Variants in ADAMTS17 observed in about 807,000 individuals in gnomAD.
The protein encoded by ADAMTS17 is ADAM metallopeptidase with thrombospondin type 1 motif 17.
In ADAMTS17, 113 loss-of-function variants were observed where a neutral mutation model predicts 141.5. That is an observed-to-expected ratio of 0.80 (90% CI 0.69 to 0.93). The LOEUF (loss-of-function observed/expected upper bound fraction) is 0.93. Ranked by LOEUF, ADAMTS17 falls within the 40% of genes least tolerant of loss-of-function variation. The probability of loss-of-function intolerance (pLI) is 0.00; values close to 1 mark genes in which losing one functional copy is unlikely to be tolerated. For synonymous variants in ADAMTS17, 768 were observed against 630.6 expected (o/e 1.22, Z -3.27); for missense variants, 1,659 against 1,517.9 (o/e 1.09, Z -1.54).
At chr15:100,047,223 C>T (rs552625963) in intron 18 of ADAMTS17, among the ~76,000 whole-genome samples, 3 of 142,798 alleles carry the variant, frequency 2.1e-5, no homozygotes, top group African/African-American at 8.3e-5. Flanking sequence ...AACCCTATCT[C>T]CTGATAAGAC....
chr15:100,292,406 C>T (rs1479376402), intron 3 of ADAMTS17, among the ~76,000 whole-genome samples: 1 of 149,992 alleles, frequency 6.7e-6, no homozygotes, highest in East Asian at 2.0e-4. Context: ...ACGAGAGACA[C>T]TCACCCCGTT....
At chr15:100,109,261 C>CAGCTCCTCTAAACACGCGGCAA in intron 13 of ADAMTS17, 145 bp from the exon 14 acceptor site, 1 of 972,028 alleles carries the variant, frequency 1.0e-6, no homozygotes, top group Non-Finnish European at 1.4e-6. Context: ...GTACGCGCTC[C>CAGCTCCTCTAAACACGCGGCAA]AGGAAGCGGA....
intron 10 of ADAMTS17, 39 bp downstream of exon 10, chr15:100,152,573 C>G (rs759753812): frequency 1.9e-6 from 3 of 1,610,192 alleles, no homozygotes. Flanking sequence ...GGGCTGGATC[C>G]ATGCTCTGTC....
chr15:100,066,530 T>C (rs1243290981), intron 15 of ADAMTS17, among the ~76,000 whole-genome samples: 1 of 152,200 alleles, frequency 6.6e-6, no homozygotes, highest in African/African-American at 2.4e-5. Context: ...GGTCCTTTAG[T>C]GTAGGTCTCT....
At chr15:100,112,158 G>A (rs930063712) in intron 13 of ADAMTS17, among the ~76,000 whole-genome samples, 4 of 152,204 alleles carry the variant, frequency 2.6e-5, no homozygotes, top group Admixed American at 6.5e-5. Flanking sequence ...GGACTCTTTA[G>A]GGTGAGCAGA....
chr15:100,152,619 T>C lies in ADAMTS17; in HGVS notation c.1466A>G (p.Asn489Ser). The C allele has an allele frequency of 4.3e-6, 7 of 1,613,896 alleles. No individual in the cohort carries two copies. Among genetic ancestry groups the C allele is most frequent in the Non-Finnish European group, 5.9e-6 (7 of 1,180,016 alleles). ...CCTCCCACGGCTGCTTACCTCCATG[T>C]TTCTGCAGAAGGTGGCATTCATGCC... ...LFGMNATFCR[N>S]MEHLMCAGLW... The change falls in exon 10 of 22, where the codon AAC becomes AGC. Residue 489 changes from asparagine (N) to serine (S), a missense_variant. Transcript: ENST00000268070.
chr15:100,321,942 A>G (rs904664800), intron 3 of ADAMTS17, among the ~76,000 whole-genome samples: 1 of 152,268 alleles, frequency 6.6e-6, no homozygotes, highest in Non-Finnish European at 1.5e-5. Context: ...TTATTAAAAC[A>G]AAAACATCTA....
intron 2 of ADAMTS17, among the ~76,000 whole-genome samples, chr15:100,331,745 T>G (rs139315197): frequency 6.6e-6 from 1 of 152,242 alleles, no homozygotes; most frequent in African/African-American, 2.4e-5. Context: ...CATCCTTTCT[T>G]GTCTCCCTCT....
At chr15:100,105,828 C>G (rs1019241530) in intron 14 of ADAMTS17, among the ~76,000 whole-genome samples, 1 of 152,172 alleles carries the variant, frequency 6.6e-6, no homozygotes, top group Admixed American at 6.5e-5. Context: ...GCTGGGATTA[C>G]AGGCACCCAT....
In ADAMTS17 at chr15:99,976,115, G is replaced by A. The variant is rs1470933693; in HGVS notation, c.3057C>T (p.Pro1019=). The change falls in exon 21 of 22, where the codon CCC becomes CCT. Residue 1019 remains proline, a synonymous_variant. Coordinates refer to ENST00000268070, the MANE Select transcript of ADAMTS17 (RefSeq NM_139057.4). ...SECPALSKPA[P]YRQCYQEVCN... is the part of the protein sequence containing the mutation. Reference sequence around the variant, plus strand: ...AGACCTCCTGGTAGCACTGTCTGTAGGGGGCAGGCTTCGAGAGGGCGGGGC... The same window carrying A: ...AGACCTCCTGGTAGCACTGTCTGTAAGGGGCAGGCTTCGAGAGGGCGGGGC... 7.7e-6 allele frequency: 12 copies of A among 1,551,404 alleles called. No homozygotes were observed. In the Admixed American group the frequency reaches 2.4e-4, roughly 30 times the overall value.
At chr15:100,217,226 G>A (rs2041996448) in intron 7 of ADAMTS17, among the ~76,000 whole-genome samples, 1 of 152,190 alleles carries the variant, frequency 6.6e-6, no homozygotes, top group Non-Finnish European at 1.5e-5. Context: ...GTGGTACTAG[G>A]ACAACTGGAT....
At chr15:100,060,585 GA>G (rs2033040054) in intron 15 of ADAMTS17, among the ~76,000 whole-genome samples, 1 of 152,234 alleles carries the variant, frequency 6.6e-6, no homozygotes, top group Non-Finnish European at 1.5e-5. Context: ...GAGCTGCACA[GA>G]AGCCCGAGTG....
At chr15:99,985,859 C>G (rs548374021) in intron 20 of ADAMTS17, among the ~76,000 whole-genome samples, 7 of 152,308 alleles carry the variant, frequency 4.6e-5, no homozygotes, top group African/African-American at 1.4e-4. Flanking sequence ...TCACTGATCC[C>G]AATAAAAGTA....
At chr15:100,301,847 C>G (rs746425114) in intron 3 of ADAMTS17, among the ~76,000 whole-genome samples, 3 of 152,176 alleles carry the variant, frequency 2.0e-5, no homozygotes, top group Non-Finnish European at 4.4e-5. Context: ...ATTTCATAAA[C>G]TTGAGATACA....
intron 3 of ADAMTS17, among the ~76,000 whole-genome samples, chr15:100,296,580 G>GGTGT (rs59748937): frequency 1.7e-4 from 18 of 108,010 alleles, no homozygotes; most frequent in East Asian, 1.1e-3. Flanking sequence ...GGTGAGGGGG[G>GGTGT]GTGTGTGTGT....
intron 20 of ADAMTS17, among the ~76,000 whole-genome samples, chr15:99,988,706 G>C (rs1474024741): frequency 6.6e-6 from 1 of 152,174 alleles, no homozygotes; most frequent in Admixed American, 6.5e-5. Context: ...GGTGAAGAGA[G>C]GACGGCCAGG....
chr15:100,275,479 T>C (rs1310817241), intron 4 of ADAMTS17, among the ~76,000 whole-genome samples: 1 of 152,172 alleles, frequency 6.6e-6, no homozygotes, highest in African/African-American at 2.4e-5. Context: ...CCAGCAGCTG[T>C]CAAGGCCAGA....
At chr15:100,012,499 G>T (rs1316406687) in intron 18 of ADAMTS17, among the ~76,000 whole-genome samples, 1 of 152,168 alleles carries the variant, frequency 6.6e-6, no homozygotes, top group African/African-American at 2.4e-5. Flanking sequence ...TTATCTTCTA[G>T]AATTTTTATA....
At chr15:100,039,706 G>C (rs1220844176) in intron 18 of ADAMTS17, among the ~76,000 whole-genome samples, 2 of 152,148 alleles carry the variant, frequency 1.3e-5, no homozygotes, top group Non-Finnish European at 1.5e-5. Context: ...TTCTGCTGTT[G>C]TTAGGTGGAG....
Sources: allele counts gnomAD v4.1 joint callset (sites outside exome capture counted in the v4.1 genomes callset), GRCh38; gene constraint gnomAD v4.1.1; transcripts MANE v1.5; gene names NCBI Gene and HGNC (gene_info 2026-07-23, HGNC 2026-07-21).